Variants in THSD7B observed in about 807,000 individuals in gnomAD.
THSD7B encodes the protein thrombospondin type-1 domain-containing protein 7B.
THSD7B carries 138 observed loss-of-function variants against 213.6 expected under a neutral mutation model. The observed-to-expected ratio is 0.65, with a 90% CI of 0.56 to 0.74. THSD7B has a LOEUF of 0.74. THSD7B is among the 30% of genes least tolerant of loss of function. The probability of loss-of-function intolerance (pLI) is 0.00; values close to 1 mark genes in which losing one functional copy is unlikely to be tolerated. For synonymous variants in THSD7B, 742 were observed against 687.0 expected (o/e 1.08, Z -1.25); for missense variants, 1,931 against 1,991.5 (o/e 0.97, Z 0.58).
chr2:137,668,977 G>A (rs553893312), intron 27 of THSD7B, among the ~76,000 whole-genome samples: 13 of 152,250 alleles, frequency 8.5e-5, no homozygotes, highest in African/African-American at 2.9e-4. Flanking sequence ...ATAAGTTGAT[G>A]CAGTTCAAAC....
At chr2:137,605,696 G>A (rs1248272445) in intron 17 of THSD7B, among the ~76,000 whole-genome samples, 1 of 108,944 alleles carries the variant, frequency 9.2e-6, no homozygotes, top group South Asian at 2.7e-4. Flanking sequence ...TTGAGACGGA[G>A]TCCTGCTCCG....
intron 1 of THSD7B, among the ~76,000 whole-genome samples, chr2:136,781,017 C>T (rs2104906140): frequency 6.6e-6 from 1 of 151,324 alleles, no homozygotes; most frequent in Non-Finnish European, 1.5e-5. Context: ...ATGCTTCATG[C>T]AATGTGTGAA....
intron 15 of THSD7B, among the ~76,000 whole-genome samples, chr2:137,537,675 A>G (rs1430128730): frequency 6.6e-6 from 1 of 151,748 alleles, no homozygotes; most frequent in Non-Finnish European, 1.5e-5. Flanking sequence ...TACATAAAAG[A>G]GTAAAACTTG....
chr2:137,259,561 C>T (rs1682391948), intron 10 of THSD7B, among the ~76,000 whole-genome samples: 1 of 151,962 alleles, frequency 6.6e-6, no homozygotes. Context: ...TGTTTACGTT[C>T]CTTGTAGATT....
chr2:137,503,255 C>T (rs1396325518), intron 15 of THSD7B, among the ~76,000 whole-genome samples: 2 of 152,072 alleles, frequency 1.3e-5, no homozygotes, highest in Non-Finnish European at 2.9e-5. Flanking sequence ...GTTGTATACA[C>T]TTGTGTAAGT....
rs1322786361 is a variant in THSD7B, at chr2:137,224,620, G to C, written c.1724-6424G>C. Among the ~76,000 whole-genome samples the C allele has an allele frequency of 1.7e-4, 26 of 152,182 alleles. 1 individual carries two copies. Among genetic ancestry groups the C allele is most frequent in the Non-Finnish European group, 1.5e-5 (1 of 68,038 alleles). On this transcript the variant is annotated intron_variant, in intron 7 of 27. Transcript: ENST00000409968. ...AAGCTAATACTTGTAGGACATAACAGTATGTTTCTGAGTACATCCTAGGTG... is the reference window on the plus strand; with the variant it reads ...AAGCTAATACTTGTAGGACATAACACTATGTTTCTGAGTACATCCTAGGTG...
intron 1 of THSD7B, among the ~76,000 whole-genome samples, chr2:136,873,355 G>A (rs1683473151): frequency 6.6e-6 from 1 of 152,162 alleles, no homozygotes. Flanking sequence ...TCAGTTACCT[G>A]CAGAGTGTCA....
chr2:137,044,426 T>C (rs564419687), intron 2 of THSD7B, among the ~76,000 whole-genome samples: 18 of 152,278 alleles, frequency 1.2e-4, no homozygotes, highest in African/African-American at 3.9e-4. Context: ...GATGAACCTG[T>C]GACCACCATG....
intron 12 of THSD7B, among the ~76,000 whole-genome samples, chr2:137,390,989 G>GGTGT (rs571619022): frequency 1.3e-5 from 2 of 150,588 alleles, no homozygotes; most frequent in Admixed American, 6.6e-5. Context: ...TGTGGTATGG[G>GGTGT]GTGTGTGTGT....
intron 15 of THSD7B, among the ~76,000 whole-genome samples, chr2:137,485,560 T>C (rs1164039412): frequency 6.6e-6 from 1 of 152,126 alleles, no homozygotes; most frequent in Admixed American, 6.5e-5. Flanking sequence ...TGGAACCAAG[T>C]TGGAAAACAC....
chr2:137,313,809 T>G (rs1324187982), intron 12 of THSD7B, among the ~76,000 whole-genome samples: 3 of 152,212 alleles, frequency 2.0e-5, no homozygotes, highest in South Asian at 2.1e-4. Flanking sequence ...GAAAATTCTT[T>G]TCTTTAAGAA....
At chr2:137,391,668 C>G (rs56193592) in intron 12 of THSD7B, among the ~76,000 whole-genome samples, 34,355 of 149,334 alleles carry the variant, frequency 0.23, 4,082 homozygotes, top group South Asian at 0.28. Flanking sequence ...GACTGGACAA[C>G]AGAGTGACAT....
chr2:137,016,032 A>C (rs905513949), intron 2 of THSD7B, among the ~76,000 whole-genome samples: 1 of 152,186 alleles, frequency 6.6e-6, no homozygotes, highest in African/African-American at 2.4e-5. Context: ...CTGCATGTTC[A>C]TCTTTTGCTA....
intron 15 of THSD7B, among the ~76,000 whole-genome samples, chr2:137,553,831 C>A (rs1680897436): frequency 6.6e-6 from 1 of 152,256 alleles, no homozygotes; most frequent in African/African-American, 2.4e-5. Flanking sequence ...ACCAACTAAA[C>A]AGCAACGTAA....
intron 7 of THSD7B, among the ~76,000 whole-genome samples, chr2:137,217,185 A>G (rs755301779): frequency 6.6e-6 from 1 of 152,230 alleles, no homozygotes; most frequent in African/African-American, 2.4e-5. Context: ...GCATACTGAC[A>G]ATCAGATGGT....
At chr2:137,001,489 G>C (rs190962145) in intron 2 of THSD7B, among the ~76,000 whole-genome samples, 49 of 152,216 alleles carry the variant, frequency 3.2e-4, no homozygotes, top group African/African-American at 1.1e-3. Context: ...GGTATTTCTG[G>C]AAGTCCAATT....
At chr2:137,276,128 A>G in intron 12 of THSD7B, 102 bp downstream of exon 12, 1 of 814,996 alleles carries the variant, frequency 1.2e-6, no homozygotes, top group Non-Finnish European at 1.9e-6. Flanking sequence ...TTGTGATATT[A>G]TTGGCTTGAA....
intron 2 of THSD7B, among the ~76,000 whole-genome samples, chr2:136,905,980 A>C (rs1553456988): frequency 6.6e-6 from 1 of 152,216 alleles, no homozygotes; most frequent in Non-Finnish European, 1.5e-5. Context: ...TTGCCTAGGC[A>C]GCTCTATGAG....
chr2:137,286,923 C>T (rs561218123), intron 12 of THSD7B, among the ~76,000 whole-genome samples: 29 of 152,174 alleles, frequency 1.9e-4, no homozygotes, highest in South Asian at 4.2e-4. Context: ...GACTTGAAGA[C>T]GAGAGGACAT....
Sources: allele counts gnomAD v4.1 joint callset (sites outside exome capture counted in the v4.1 genomes callset), GRCh38; gene constraint gnomAD v4.1.1; transcripts MANE v1.5; gene names NCBI Gene and HGNC (gene_info 2026-07-23, HGNC 2026-07-21).